Variants in KIAA0586 observed in about 807,000 individuals in gnomAD.
KIAA0586 encodes protein TALPID3.
In KIAA0586, 144 loss-of-function variants were observed where a neutral mutation model predicts 169.8. The ratio of observed to expected loss-of-function variants is 0.85; its 90% CI spans 0.74 to 0.97. The LOEUF (loss-of-function observed/expected upper bound fraction) is 0.97. Ranked by LOEUF, KIAA0586 falls within the 50% of genes least tolerant of loss-of-function variation. The pLI, the probability that KIAA0586 is intolerant of heterozygous loss-of-function variation, is 0.00. For synonymous variants in KIAA0586, 625 were observed against 612.4 expected (o/e 1.02, Z -0.30); for missense variants, 1,854 against 1,823.0 (o/e 1.02, Z -0.31).
intron 24 of KIAA0586, among the ~76,000 whole-genome samples, chr14:58,489,728 T>G (rs1302779922): frequency 6.6e-6 from 1 of 152,152 alleles, no homozygotes; most frequent in Non-Finnish European, 1.5e-5. Context: ...ACTTATCTGG[T>G]CTCTTCCTTA....
chr14:58,552,355 A>AT (rs554023176), downstream of KIAA0586, among the ~76,000 whole-genome samples: 53 of 152,108 alleles, frequency 3.5e-4, no homozygotes, highest in Non-Finnish European at 2.4e-4. Flanking sequence ...TTTTAAAATA[A>AT]TTTTTTCTTC....
chr14:58,430,632 C>T lies in KIAA0586; in HGVS notation c.271-16C>T, dbSNP rs767185472. 4 of 1,542,996 alleles carry T rather than the reference C, an allele frequency of 2.6e-6. No individual in the cohort carries two copies. In the East Asian group the frequency reaches 6.8e-5, roughly 26 times the overall value. ...TGAAGTTTATTTAGCCTATTTCTTC[C>T]TTTCATATCCCAAAGGATTTTTCTA... On this transcript the variant is annotated splice_polypyrimidine_tract_variant and intron_variant, in intron 2 of 30. Coordinates refer to ENST00000652326, the MANE Select transcript of KIAA0586 (RefSeq NM_001329943.3).
intron 29 of KIAA0586, among the ~76,000 whole-genome samples, chr14:58,531,163 A>C (rs2045938215): frequency 7.8e-6 from 1 of 127,394 alleles, no homozygotes; most frequent in Non-Finnish European, 1.8e-5. Flanking sequence ...TAAAATGTAC[A>C]AAAAAAAAAA....
intron 30 of KIAA0586, among the ~76,000 whole-genome samples, chr14:58,541,477 A>G (rs923730829): frequency 2.6e-5 from 4 of 152,244 alleles, no homozygotes; most frequent in Non-Finnish European, 5.9e-5. Flanking sequence ...TGACAGATAC[A>G]TAAATAATTA....
At chr14:58,543,668 C>T (rs1189651323) in intron 30 of KIAA0586, among the ~76,000 whole-genome samples, 1 of 152,206 alleles carries the variant, frequency 6.6e-6, no homozygotes, top group Non-Finnish European at 1.5e-5. Context: ...GTTCTTATTA[C>T]TGCCTAGTCA....
intron 30 of KIAA0586, among the ~76,000 whole-genome samples, chr14:58,545,860 T>C (rs543962140): frequency 3.3e-4 from 50 of 151,584 alleles, no homozygotes; most frequent in African/African-American, 1.2e-3. Context: ...AGGGAGACCC[T>C]CCCTCTACAA....
chr14:58,493,327 T>G (rs1305945612), intron 26 of KIAA0586, among the ~76,000 whole-genome samples: 1 of 152,100 alleles, frequency 6.6e-6, no homozygotes, highest in East Asian at 1.9e-4. Flanking sequence ...GAGTGCCAGA[T>G]TTTGTGGGGA....
At position 58,549,706 on chromosome 14, in the gene KIAA0586, C is replaced by T. The variant is rs895935865; in HGVS notation, c.*1774C>T. 1 of 152,228 alleles carries T rather than the reference C, an allele frequency of 6.6e-6. No individual in the cohort carries two copies. Among genetic ancestry groups the T allele is most frequent in the Non-Finnish European group, 1.5e-5 (1 of 68,060 alleles). The allele number at this position is 152,228 out of a possible 1,614,324, so 9.4% of individuals were successfully genotyped here. A position where few individuals can be genotyped will look rare whatever the true frequency, so the allele number is the denominator to read the frequency against. On this transcript the variant is annotated 3_prime_UTR_variant, in exon 31 of 31. Coordinates refer to ENST00000652326, the MANE Select transcript of KIAA0586 (RefSeq NM_001329943.3). ...GTTTTTGATATTCATCTACAAGACT[C>T]TGGGCAAGGTGAAAGCTGGAGAAAT...
At chr14:58,471,362 G>A (rs1026513557) in intron 17 of KIAA0586, among the ~76,000 whole-genome samples, 2 of 152,138 alleles carry the variant, frequency 1.3e-5, no homozygotes, top group Admixed American at 6.5e-5. Flanking sequence ...AGTGACAGTT[G>A]GGAGTTTATA....
chr14:58,457,925 G>C lies in KIAA0586; in HGVS notation c.1529G>C (p.Arg510Pro). ...VLEENLEAII[R>P]AKDGAAMYSL... ...GAAGAAAACCTGGAAGCTATTATTC[G>C]TGCAAAAGATGGAGCTGCCATGTAT... Residue 510 changes from arginine to proline, a missense_variant, in exon 11 of 31, where the codon CGT becomes CCT. Arg to Pro is a moderately radical substitution (Grantham distance 103). Transcript: ENST00000652326. 1.9e-6 allele frequency: 3 copies of C among 1,604,238 alleles called. No individual in the cohort carries two copies. The highest frequency in any genetic ancestry group is 2.6e-6 in the Non-Finnish European group (3 of 1,174,780).
Position 58,482,684 on chromosome 14 carries a change from A to T in KIAA0586, c.3116A>T (p.Asp1039Val). The T allele has an allele frequency of 1.3e-6, 2 of 1,574,028 alleles. No homozygotes were observed. Residue 1039 changes from aspartate (D) to valine (V), a missense_variant, in exon 21 of 31, where the codon GAT (aspartate) becomes GTT (valine). Coordinates refer to ENST00000652326, the MANE Select transcript of KIAA0586 (RefSeq NM_001329943.3). ...CCTGTTGCTACAGGTGTTTCTGGGG[A>T]TGCTTCAACAAATGAAACATATTTG... ...QGPVATGVSGDASTNETYLPA... is the reference protein window; with the variant it reads ...QGPVATGVSGVASTNETYLPA...
At chr14:58,545,415 C>T (rs917890328) in intron 30 of KIAA0586, among the ~76,000 whole-genome samples, 10 of 152,044 alleles carry the variant, frequency 6.6e-5, no homozygotes, top group South Asian at 2.1e-4. Flanking sequence ...AAGTAGAAAA[C>T]GAAGGTATAT....
chr14:58,474,651 GGAGTTT>G lies in KIAA0586; in HGVS notation c.2680_2685del (p.Glu894_Phe895del). On this transcript the variant is annotated inframe_deletion, in exon 19 of 31. Coordinates refer to ENST00000652326, the MANE Select transcript of KIAA0586 (RefSeq NM_001329943.3). The stretch of plus-strand genomic sequence containing the variant: ...AAATTCCAGACTCTGAACCAATTCT[GGAGTTT>G]AACAGAAGTGTTAAAGCTGATTCTA... 1 of 1,602,648 alleles carries G rather than the reference GGAGTTT, an allele frequency of 6.2e-7. No individual in the cohort carries two copies. Among genetic ancestry groups the G allele is most frequent in the Non-Finnish European group, 8.5e-7 (1 of 1,176,840 alleles).
intron 5 of KIAA0586, among the ~76,000 whole-genome samples, chr14:58,443,605 G>A (rs2038600107): frequency 6.6e-6 from 1 of 152,098 alleles, no homozygotes; most frequent in South Asian, 2.1e-4. Context: ...TTGTATTTTA[G>A]TAGAGATGGG....
At chr14:58,440,620 C>G (rs2038249991) in intron 4 of KIAA0586, among the ~76,000 whole-genome samples, 1 of 152,250 alleles carries the variant, frequency 6.6e-6, no homozygotes, top group African/African-American at 2.4e-5. Flanking sequence ...GCGTGAGCCA[C>G]TGTGCCTGGC....
chr14:58,467,937 A>T lies in KIAA0586; in HGVS notation c.2442+15A>T. On this transcript the variant is annotated intron_variant, in intron 16 of 30. Coordinates refer to ENST00000652326, the MANE Select transcript of KIAA0586 (RefSeq NM_001329943.3). ...TTACTGTGCAGGTATGCCAGGGTGC[A>T]TGAGTAGAAAATTTTAAGGAAGAAA... 2.6e-6 allele frequency: 4 copies of T among 1,543,746 alleles called. No individual in the cohort carries two copies. Among genetic ancestry groups the T allele is most frequent in the Non-Finnish European group, 3.5e-6 (4 of 1,148,248 alleles).
intron 30 of KIAA0586, among the ~76,000 whole-genome samples, chr14:58,541,745 C>T (rs535876833): frequency 2.0e-5 from 3 of 152,230 alleles, no homozygotes; most frequent in African/African-American, 7.2e-5. Flanking sequence ...TTTCAAATGT[C>T]AAAAACGTGT....
chr14:58,505,192 T>G (rs2141381326), intron 27 of KIAA0586, among the ~76,000 whole-genome samples: 1 of 152,294 alleles, frequency 6.6e-6, no homozygotes, highest in South Asian at 2.1e-4. Context: ...TGATTGCCAT[T>G]ATTTTACAAC....
Position 58,457,990 on chromosome 14 carries a change from G to T in KIAA0586, c.1583+11G>T. 1 of 1,547,272 alleles carries T rather than the reference G, an allele frequency of 6.5e-7. No homozygotes were observed. On this transcript the variant is annotated intron_variant, in intron 11 of 30. Coordinates refer to ENST00000652326, the MANE Select transcript of KIAA0586 (RefSeq NM_001329943.3). The stretch of plus-strand genomic sequence containing the variant: ...TTTATCTACCAACAGGTAAGAGGAT[G>T]TTGGCATCCAGGGTTATTTATGAGT...
Sources: allele counts gnomAD v4.1 joint callset (sites outside exome capture counted in the v4.1 genomes callset), GRCh38; gene constraint gnomAD v4.1.1; transcripts MANE v1.5; gene names NCBI Gene and HGNC (gene_info 2026-07-23, HGNC 2026-07-21).